The following FAM228B variants were observed in gnomAD, a reference collection of about 807,000 sequenced individuals.
FAM228B encodes the protein family with sequence similarity 228 member B, also known as protein FAM228B.
A neutral mutation model predicts 42.6 loss-of-function variants in FAM228B; 38 were observed. That is an observed-to-expected ratio of 0.89 (90% CI 0.69 to 1.17). The LOEUF (loss-of-function observed/expected upper bound fraction) is 1.17, where lower values mean the gene tolerates loss of function less well. Ranked by LOEUF, FAM228B falls within the 50% of genes most tolerant of loss-of-function variation. The probability of loss-of-function intolerance (pLI) is 0.00; values close to 1 mark genes in which losing one functional copy is unlikely to be tolerated. For synonymous variants in FAM228B, 109 were observed against 122.3 expected (o/e 0.89, Z 0.72); for missense variants, 344 against 367.3 (o/e 0.94, Z 0.52).
intron 7 of FAM228B, among the ~76,000 whole-genome samples, 177 bp downstream of exon 7, chr2:24,147,263 G>A (rs1441856878): frequency 6.6e-6 from 1 of 151,206 alleles, no homozygotes; most frequent in East Asian, 1.9e-4. Context: ...TCTTATCTTT[G>A]TTTCTCTGTA....
intron 7 of FAM228B, among the ~76,000 whole-genome samples, chr2:24,153,516 C>T (rs566097224): frequency 8.5e-5 from 13 of 152,346 alleles, no homozygotes; most frequent in African/African-American, 3.1e-4. Flanking sequence ...ATGGGGACCG[C>T]AGGACCCTGC....
At chr2:24,096,515 G>A (rs1665501485) in intron 3 of FAM228B, 1 of 152,164 alleles carries the variant, frequency 6.6e-6, no homozygotes, top group Admixed American at 6.6e-5. Flanking sequence ...ATTCGATCAA[G>A]TGGAAGAAAG....
rs1041407268 is a variant in FAM228B, at chr2:24,081,472, C to G, written c.-210+517C>G. Among the ~76,000 whole-genome samples the G allele has an allele frequency of 1.2e-4, 18 of 152,324 alleles. 1 individual carries two copies. In the East Asian group the frequency reaches 3.5e-3, roughly 29 times the overall value. ...CTGGCCTCCAGCTGGTCTTCCTGAT[C>G]CAGGCAACACACAGCCACCAGGCTC... On this transcript the variant is annotated intron_variant, in intron 2 of 10. Coordinates refer to the FAM228B transcript ENST00000613899.
At chr2:24,150,471 C>T (rs1264729294) in intron 7 of FAM228B, among the ~76,000 whole-genome samples, 1 of 152,080 alleles carries the variant, frequency 6.6e-6, no homozygotes, top group Non-Finnish European at 1.5e-5. Flanking sequence ...GTCACCCAGG[C>T]TGGAGTGCAG....
intron 3 of FAM228B, among the ~76,000 whole-genome samples, chr2:24,106,699 A>G (rs1196824758): frequency 1.3e-5 from 2 of 152,142 alleles, no homozygotes; most frequent in Non-Finnish European, 2.9e-5. Flanking sequence ...TGAAGGAGAA[A>G]TAAGATGATT....
In FAM228B at chr2:24,137,945, A is replaced by G. The variant is rs1274137940; in HGVS notation, c.205A>G (p.Asn69Asp). 1.3e-6 allele frequency: 2 copies of G among 1,539,648 alleles called. No individual in the cohort carries two copies. Among genetic ancestry groups the G allele is most frequent in the Non-Finnish European group, 1.7e-6 (2 of 1,144,104 alleles). The stretch of plus-strand genomic sequence containing the variant: ...GTATTTACAACATCATGCCTTCTTA[A>G]ATGCAAGAAGAAAGGAGATGTTATA... The part of the protein sequence containing the change: ...DKYLQHHAFL[N>D]ARRKEMLYKR... Residue 69 changes from asparagine to aspartate, a missense_variant, in exon 4 of 11, where the codon AAT becomes GAT. By Grantham distance (23) the Asn-to-Asp change is conservative (BLOSUM62 1). Coordinates refer to ENST00000615575, the MANE Select transcript of FAM228B (RefSeq NM_001145710.2).
chr2:24,087,139 GTAATCTTGCAGTGTGTAATAAGAAATA>G (rs1665276590), intron 2 of FAM228B: 1 of 152,214 alleles, frequency 6.6e-6, no homozygotes, highest in East Asian at 1.9e-4. Context: ...CTTGGTCGAT[GTAATCTTGCAGTGTGTAATAAGAAATA>G]TATATTTTTG....
upstream of FAM228B, chr2:24,122,502 G>A (rs755791840): frequency 1.9e-6 from 3 of 1,614,094 alleles, no homozygotes; most frequent in Admixed American, 1.7e-5. Context: ...GTTCCCAAGA[G>A]GGTGTCTAAC....
intron 2 of FAM228B, among the ~76,000 whole-genome samples, chr2:24,081,298 T>A (rs1664991497): frequency 2.0e-5 from 3 of 152,166 alleles, no homozygotes; most frequent in Admixed American, 6.5e-5. Context: ...GAAAACAGCC[T>A]TTTGAAACAG....
Position 24,077,175 on chromosome 2 carries a change from T to G in FAM228B, c.-290+206T>G, listed in dbSNP as rs1406511631. 6.6e-6 allele frequency among the ~76,000 whole-genome samples: 1 copy of G among 151,846 alleles called. No individual in the cohort carries two copies. The highest frequency in any genetic ancestry group is 2.4e-5 in the African/African-American group (1 of 41,320). On this transcript the variant is annotated intron_variant, in intron 1 of 10. Coordinates refer to the FAM228B transcript ENST00000613899. The surrounding 1 kb of genome is among the most constrained non-coding windows in gnomAD (Gnocchi z 5.5). ...TAGCGGGCAGGGCTGGGGCCTGCTG[T>G]GGTGCCCACTGGTTGCGGGGCGCGC...
chr2:24,095,596 G>A lies in FAM228B; in HGVS notation c.-121+367G>A, dbSNP rs1665480624. 1 of 152,444 alleles carries A rather than the reference G, an allele frequency of 6.6e-6. No homozygotes were observed. The highest frequency in any genetic ancestry group is 1.5e-5 in the Non-Finnish European group (1 of 68,232). The allele number at this position is 152,444 out of a possible 1,614,324, so 9.4% of individuals were successfully genotyped here. A position where few individuals can be genotyped will look rare whatever the true frequency, so the allele number is the denominator to read the frequency against. ...GCTGAGGCTTGAGTAGGTAAACAAA[G>A]CAGCCGGGAAGTTCGAACTGGGCAG... On this transcript the variant is annotated intron_variant, in intron 3 of 10. Transcript: ENST00000613899. The surrounding 1 kb of genome is among the most constrained non-coding windows in gnomAD (Gnocchi z 4.8).
Position 24,094,534 on chromosome 2 carries a change from G to A in FAM228B, c.-209-607G>A, listed in dbSNP as rs576655342. On this transcript the variant is annotated intron_variant, in intron 2 of 10. Coordinates refer to the FAM228B transcript ENST00000613899. Reference sequence around the variant, plus strand: ...GAGTCTTGTTCTGTTGCTGAGGCCGGAGTAAAATGTTGTGATCATAACTCA... The same window carrying A: ...GAGTCTTGTTCTGTTGCTGAGGCCGAAGTAAAATGTTGTGATCATAACTCA... 1.3e-4 allele frequency among the ~76,000 whole-genome samples: 20 copies of A among 152,170 alleles called. No individual in the cohort carries two copies. In the South Asian group the frequency reaches 4.2e-3, roughly 32 times the overall value.
intron 7 of FAM228B, among the ~76,000 whole-genome samples, chr2:24,150,703 G>T (rs1667003871): frequency 6.6e-6 from 1 of 152,154 alleles, no homozygotes; most frequent in African/African-American, 2.4e-5. Context: ...CGGATTACAG[G>T]CATGAGCCAC....
chr2:24,143,467 T>TA (rs1666813391), intron 5 of FAM228B, among the ~76,000 whole-genome samples: 1 of 152,190 alleles, frequency 6.6e-6, no homozygotes, highest in Non-Finnish European at 1.5e-5. Flanking sequence ...ATGCTGGGAT[T>TA]ACAGGCATGA....
intron 8 of FAM228B, among the ~76,000 whole-genome samples, chr2:24,163,369 G>T (rs1366003116): frequency 4.6e-5 from 7 of 152,184 alleles, no homozygotes. Flanking sequence ...GCTGGGGAGG[G>T]CGTTGGCCAA....
chr2:24,163,371 G>T (rs62128009), intron 8 of FAM228B, among the ~76,000 whole-genome samples: 1 of 152,196 alleles, frequency 6.6e-6, no homozygotes, highest in South Asian at 2.1e-4. Flanking sequence ...TGGGGAGGGC[G>T]TTGGCCAACA....
At chr2:24,165,539 C>T (rs1289924102) in intron 9 of FAM228B, 1 of 459,674 alleles carries the variant, frequency 2.2e-6, no homozygotes, top group Non-Finnish European at 4.5e-6. Context: ...GTCTCTGCAG[C>T]CCCCAGCCCC....
rs530659890 is a variant in FAM228B, at chr2:24,090,617, T to C, written c.-209-4524T>C. Among the ~76,000 whole-genome samples the C allele has an allele frequency of 6.7e-5, 10 of 150,208 alleles. No individual in the cohort carries two copies. The South Asian group carries it at 1.9e-3, about 28-fold the overall frequency. ...GGAGTTCAGCAACTTATATTCCCTA[T>C]GATTATACAAAATCAATATTGGGAA... is the stretch of plus-strand genomic sequence containing the variant. On this transcript the variant is annotated intron_variant, in intron 2 of 10. Transcript: ENST00000613899.
rs36111458 is a variant in FAM228B, at chr2:24,079,935, G to C, written c.-289-941G>C. On this transcript the variant is annotated intron_variant, in intron 1 of 10. Coordinates refer to the FAM228B transcript ENST00000613899. ...TACAGTCCCACTGACACCCAGGCAC[G>C]ATTGAGAACAGAATACAGGAGGCCC... Among the ~76,000 whole-genome samples the C allele has an allele frequency of 3.9e-5, 6 of 152,268 alleles. No individual in the cohort carries two copies. In the East Asian group the frequency reaches 9.6e-4, roughly 24 times the overall value.
Sources: allele counts gnomAD v4.1 joint callset (sites outside exome capture counted in the v4.1 genomes callset), GRCh38; gene constraint gnomAD v4.1.1; non-coding constraint Gnocchi (gnomAD v3.1); transcripts MANE v1.5; gene names NCBI Gene and HGNC (gene_info 2026-07-23, HGNC 2026-07-21).